The following NEB variants were observed in gnomAD, a reference collection of about 807,000 sequenced individuals.
The protein encoded by NEB is nemaline myopathy type 2.
NEB carries 512 observed loss-of-function variants against 952.2 expected under a neutral mutation model. The ratio of observed to expected loss-of-function variants is 0.54; its 90% CI spans 0.50 to 0.58. NEB has a LOEUF of 0.58. Among genes scored for constraint, NEB ranks in the 20% least tolerant of loss-of-function variants. The probability of loss-of-function intolerance (pLI) is 0.00; values close to 1 mark genes in which losing one functional copy is unlikely to be tolerated. For synonymous variants in NEB, 2,900 were observed against 3,149.8 expected (o/e 0.92, Z 2.66); for missense variants, 8,428 against 9,231.1 (o/e 0.91, Z 3.56).
At chr2:151,665,680 C>G in intron 41 of NEB, 141 bp from the exon 42 acceptor site, 1 of 637,486 alleles carries the variant, frequency 1.6e-6, no homozygotes. Flanking sequence ...TACAGTCTTT[C>G]AGAAGAAATT....
chr2:151,724,786 TCTC>T (rs1478341548), intron 7 of NEB, 68 bp downstream of exon 7: 2 of 1,311,748 alleles, frequency 1.5e-6, no homozygotes, highest in Non-Finnish European at 1.1e-6. Context: ...TGTCCAATTT[TCTC>T]CTATAAGACA....
chr2:151,694,666 T>C (rs1185199280), intron 18 of NEB, 37 bp from the exon 19 acceptor site: 3 of 1,503,718 alleles, frequency 2.0e-6, no homozygotes, highest in Non-Finnish European at 2.7e-6. Flanking sequence ...TTGGCAAAAG[T>C]GATATGCATG....
chr2:151,664,597 T>C lies in NEB; in HGVS notation c.5355A>G (p.Lys1785=), dbSNP rs769862670. The C allele has an allele frequency of 1.2e-6, 2 of 1,603,660 alleles. No individual in the cohort carries two copies. The highest frequency in any genetic ancestry group is 1.7e-6 in the Non-Finnish European group (2 of 1,174,666). Residue 1785 remains lysine (K), a synonymous_variant, in exon 44 of 182, where the codon AAA becomes AAG. Transcript: ENST00000397345. ...TCTTCTTTTCCTCTTCCCAGCCAGC[T>C]TTGTACAGTTTCTAAACAATAAAAT... The part of the protein sequence containing the change: ...NQITMSDKLY[K]AGWEEEKKKG...
chr2:151,677,112 G>C (rs2099366989), intron 34 of NEB, among the ~76,000 whole-genome samples: 1 of 152,060 alleles, frequency 6.6e-6, no homozygotes, highest in African/African-American at 2.4e-5. Context: ...GAATTCTTAG[G>C]AGCAAAAACA....
Position 151,665,367 on chromosome 2 carries a change from G to A in NEB, c.5204C>T (p.Ala1735Val). Reference protein sequence around the residue: ...FTYAMDTMEQALNKSNKLNMD... With the variant: ...FTYAMDTMEQVLNKSNKLNMD... ...GTTCAGTTTGTTACTCTTGTTAAGT[G>A]CCTGTTCCATTGTGTCCATGGCGTA... is the stretch of plus-strand genomic sequence containing the variant. The change falls in exon 42 of 182, where the codon GCA becomes GTA. Residue 1735 changes from alanine to valine, a missense_variant. Around this residue, in one of 11 missense-constraint regions of NEB, gnomAD observed 2,851 missense variants for 2,791.5 expected, o/e 1.02. Coordinates refer to ENST00000397345, the MANE Select transcript of NEB (RefSeq NM_001164508.2). The A allele has an allele frequency of 6.2e-7, 1 of 1,613,610 alleles. No individual in the cohort carries two copies.
At position 151,490,414 on chromosome 2, in the gene NEB, G is replaced by T; in HGVS notation, c.25255C>A (p.Leu8419Ile). The T allele has an allele frequency of 6.3e-7, 1 of 1,598,700 alleles. No homozygotes were observed. Among genetic ancestry groups the T allele is most frequent in the East Asian group, 2.3e-5 (1 of 44,164 alleles). The change falls in exon 180 of 182, where the codon CTT becomes ATT. Residue 8419 changes from leucine (L) to isoleucine (I), a missense_variant. Leu to Ile is a conservative substitution (Grantham distance 5). Transcript: ENST00000397345. ...SEHSEAPDHH[L>I]STYSDGGVFA... The stretch of plus-strand genomic sequence containing the variant: ...ACACCCCCGTCGCTGTAAGTCGAAA[G>T]GTGGTGGTCTGGTGCTTCTGAATGC...
intron 52 of NEB, among the ~76,000 whole-genome samples, chr2:151,653,337 T>C (rs2099051388): frequency 6.6e-6 from 1 of 152,150 alleles, no homozygotes; most frequent in Non-Finnish European, 1.5e-5. Flanking sequence ...ATAGAGACAA[T>C]ACCTAAATAG....
chr2:151,641,127 AG>A (rs1275142184), intron 60 of NEB, among the ~76,000 whole-genome samples: 3 of 152,178 alleles, frequency 2.0e-5, no homozygotes, highest in Non-Finnish European at 4.4e-5. Flanking sequence ...TTGCCTGCAA[AG>A]AATGTCTGTA....
At chr2:151,559,898 C>T (rs553043135) in intron 124 of NEB, among the ~76,000 whole-genome samples, 1 of 152,232 alleles carries the variant, frequency 6.6e-6, no homozygotes, top group South Asian at 2.1e-4. Context: ...ATGTAATAAA[C>T]CTCCACGTTC....
chr2:151,725,629 T>C (rs1461747303), intron 5 of NEB, 69 bp from the exon 6 acceptor site: 20 of 1,232,618 alleles, frequency 1.6e-5, no homozygotes, highest in Non-Finnish European at 2.4e-6. Flanking sequence ...ACTCACCCCA[T>C]TTGATAAAAA....
At chr2:151,535,900 C>CCT (rs1375394231) in intron 141 of NEB, 105 bp from the exon 142 acceptor site, 1 of 645,504 alleles carries the variant, frequency 1.5e-6, no homozygotes. Context: ...ATTCATAGAA[C>CCT]TAACACATAT....
intron 57 of NEB, 116 bp downstream of exon 57, chr2:151,643,702 C>A: frequency 6.8e-7 from 1 of 1,468,426 alleles, no homozygotes; most frequent in Non-Finnish European, 9.1e-7. Context: ...TGACTAGATG[C>A]GCTTGGGCAT....
chr2:151,727,906 T>C lies in NEB; in HGVS notation c.79A>G (p.Thr27Ala). Residue 27 changes from threonine to alanine, a missense_variant and splice_region_variant, in exon 5 of 182, where the codon ACA (threonine) becomes GCA (alanine). Physicochemically the swap from Thr to Ala is moderately conservative, Grantham distance 58. Transcript: ENST00000397345. The part of the protein sequence containing the change: ...EVVYEEVPGE[T>A]ITKIYETTTT... Reference sequence around the variant, plus strand: ...GTAGTCTCATAAATTTTTGTTATTGTCTGAAAATTTGATATGCAGTTCAAC... The same window carrying C: ...GTAGTCTCATAAATTTTTGTTATTGCCTGAAAATTTGATATGCAGTTCAAC... 6.2e-7 allele frequency: 1 copy of C among 1,611,670 alleles called. No homozygotes were observed. Among genetic ancestry groups the C allele is most frequent in the Non-Finnish European group, 8.5e-7 (1 of 1,178,512 alleles).
rs2098824944 is a variant in NEB, at chr2:151,639,783, T to C, written c.8889+74A>G. The C allele has an allele frequency of 2.3e-6, 3 of 1,293,410 alleles. 1 individual carries two copies. The highest frequency in any genetic ancestry group is 2.9e-5 in the South Asian group (2 of 69,462). The allele number at this position is 1,293,410 out of a possible 1,614,324, so 80.1% of individuals were successfully genotyped here. A position where few individuals can be genotyped will look rare whatever the true frequency, so the allele number is the denominator to read the frequency against. On this transcript the variant is annotated intron_variant, in intron 62 of 181. Coordinates refer to ENST00000397345, the MANE Select transcript of NEB (RefSeq NM_001164508.2). ...CCTTTTATTACTCAATGTTCTTTCT[T>C]TCCTCATTAATGTTTCTTTTTTGTT... is the stretch of plus-strand genomic sequence containing the variant.
chr2:151,615,117 G>A (rs979335054), intron 76 of NEB, among the ~76,000 whole-genome samples: 3 of 152,166 alleles, frequency 2.0e-5, no homozygotes, highest in Non-Finnish European at 4.4e-5. Context: ...CTATGAGTCA[G>A]TTTATCTACC....
At position 151,553,401 on chromosome 2, in the gene NEB, A is replaced by T. The variant is rs781205139; in HGVS notation, c.19728T>A (p.Asp6576Glu). The T allele has an allele frequency of 3.7e-6, 6 of 1,609,128 alleles. No individual in the cohort carries two copies. The South Asian group carries it at 6.6e-5, about 18-fold the overall frequency. The change falls in exon 127 of 182, where the codon GAT becomes GAA. Residue 6576 changes from aspartate to glutamate, a missense_variant. This residue lies in a region of NEB where 3,374 missense variants were observed against 3,651.5 expected (regional missense o/e 0.92). Coordinates refer to ENST00000397345, the MANE Select transcript of NEB (RefSeq NM_001164508.2). ...LHAKHAYDLR[D>E]DIKYKAHMLK... is the part of the protein sequence containing the mutation. Reference sequence around the variant, plus strand: ...GAACAAAACAAGGCAAACTCACATCATCACGTAGATCATAAGCATGCTTGG... The same window carrying T: ...GAACAAAACAAGGCAAACTCACATCTTCACGTAGATCATAAGCATGCTTGG...
At chr2:151,538,045 G>C (rs1349244398) in intron 139 of NEB, 69 bp from the exon 140 acceptor site, 2 of 1,516,390 alleles carry the variant, frequency 1.3e-6, no homozygotes, top group Non-Finnish European at 1.8e-6. Flanking sequence ...CTTCTTTCTG[G>C]AGAATTTCAG....
At chr2:151,500,730 T>G (rs2063833758) in intron 168 of NEB, among the ~76,000 whole-genome samples, 2 of 151,724 alleles carry the variant, frequency 1.3e-5, no homozygotes, top group Admixed American at 6.6e-5. Context: ...CCCAAGTAGC[T>G]GAGACTACAG....
At chr2:151,650,955 TTTTC>T (rs757190749) in intron 52 of NEB, 70 bp from the exon 53 acceptor site, 129 of 1,401,614 alleles carry the variant, frequency 9.2e-5, no homozygotes, top group Non-Finnish European at 1.2e-4. Context: ...CTTTTTTTTC[TTTTC>T]TTTCTTTCTT....
Sources: gnomAD v4.1 joint callset for allele counts (sites outside exome capture counted in the v4.1 genomes callset) on GRCh38, gnomAD v4.1.1 for gene constraint, gnomAD v4.1.1 regional missense constraint, MANE v1.5 for transcripts, NCBI Gene and HGNC (gene_info 2026-07-23, HGNC 2026-07-21) for gene names.